NT5DC3: variants seen among roughly 807,000 people sequenced by gnomAD.
NT5DC3 encodes 5'-nucleotidase domain-containing protein 3.
In NT5DC3, 42 loss-of-function variants were observed where a neutral mutation model predicts 67.8. That is an observed-to-expected ratio of 0.62 (90% CI 0.48 to 0.80). NT5DC3 has a LOEUF of 0.80. NT5DC3 is among the 30% of genes least tolerant of loss of function. The pLI, the probability that NT5DC3 is intolerant of heterozygous loss-of-function variation, is 0.00. For missense variants in NT5DC3, 570 were observed against 696.4 expected (o/e 0.82, Z 2.04); for synonymous variants, 237 against 255.6 (o/e 0.93, Z 0.69).
chr12:103,795,468 A>G (rs1886269607), intron 6 of NT5DC3, among the ~76,000 whole-genome samples: 1 of 152,234 alleles, frequency 6.6e-6, no homozygotes, highest in Admixed American at 6.5e-5. Flanking sequence ...ACAGATTTTT[A>G]AAGACAAAGT....
At chr12:103,825,091 G>A (rs1223511300) in intron 1 of NT5DC3, among the ~76,000 whole-genome samples, 1 of 152,152 alleles carries the variant, frequency 6.6e-6, no homozygotes, top group Non-Finnish European at 1.5e-5. Context: ...CCGGGAAGAG[G>A]CAATTCAAGA....
rs886514176 is a variant in NT5DC3, at chr12:103,777,615, T to C, written c.*214A>G. The C allele has an allele frequency of 1.8e-6, 1 of 570,922 alleles. No individual in the cohort carries two copies. Among genetic ancestry groups the C allele is most frequent in the East Asian group, 2.9e-5 (1 of 34,288 alleles). The allele number at this position is 570,922 out of a possible 1,614,324, so 35.4% of individuals were successfully genotyped here. A position where few individuals can be genotyped will look rare whatever the true frequency, so the allele number is the denominator to read the frequency against. ...CAAAATCAGAGTTCCAATGTGAAGCTTGCCTTTCAGCCCTGCATGGGGGGA... is the reference window on the plus strand; with the variant it reads ...CAAAATCAGAGTTCCAATGTGAAGCCTGCCTTTCAGCCCTGCATGGGGGGA... On this transcript the variant is annotated 3_prime_UTR_variant, in exon 14 of 14. Transcript: ENST00000392876.
chr12:103,758,769 G>C, the NT5DC3 span, among the ~76,000 whole-genome samples: 10 of 152,312 alleles, frequency 6.6e-5, no homozygotes, highest in African/African-American at 2.2e-4. Flanking sequence ...TTCATATCAC[G>C]GCACACAGAG....
the NT5DC3 span, among the ~76,000 whole-genome samples, chr12:103,759,492 G>T: frequency 2.0e-5 from 3 of 152,330 alleles, no homozygotes; most frequent in East Asian, 5.8e-4. Flanking sequence ...TGGTTATGGG[G>T]AAGGATAATG....
chr12:103,803,865 C>A (rs1374729645), intron 4 of NT5DC3, among the ~76,000 whole-genome samples: 3 of 126,764 alleles, frequency 2.4e-5, no homozygotes, highest in African/African-American at 2.7e-5. Context: ...TACCACCCCC[C>A]CCCCAAAAAA....
chr12:103,840,464 C>T (rs926335508), intron 1 of NT5DC3, among the ~76,000 whole-genome samples: 2 of 145,662 alleles, frequency 1.4e-5, no homozygotes, highest in African/African-American at 2.5e-5. Flanking sequence ...CCATCCCAAC[C>T]CACCCCCACC....
Position 103,793,268 on chromosome 12 carries a change from A to G in NT5DC3, c.918-3T>C. The stretch of plus-strand genomic sequence containing the variant: ...CGATATAACTCATCCCTTTGTCCCT[A>G]GGGCAACAAGTCAGCCAGGTTAGTC... On this transcript the variant is annotated splice_polypyrimidine_tract_variant and splice_region_variant and intron_variant, in intron 8 of 13. Transcript: ENST00000392876. 6.2e-7 allele frequency: 1 copy of G among 1,605,028 alleles called. No homozygotes were observed. The highest frequency in any genetic ancestry group is 8.5e-7 in the Non-Finnish European group (1 of 1,173,670).
chr12:103,780,429 A>AT, intron 12 of NT5DC3, 65 bp from the exon 13 acceptor site: 1 of 1,457,328 alleles, frequency 6.9e-7, no homozygotes, highest in Non-Finnish European at 9.6e-7. Flanking sequence ...CGTAATGAGA[A>AT]TTTTTTAATG....
the NT5DC3 span, among the ~76,000 whole-genome samples, chr12:103,757,542 C>T: frequency 1.3e-5 from 2 of 152,188 alleles, no homozygotes; most frequent in Non-Finnish European, 2.9e-5. Flanking sequence ...TTGGGGGGCA[C>T]CCCAGGGTCC....
rs1885363765 is a variant in NT5DC3, at chr12:103,777,017, G to C, written c.*812C>G. 6.6e-6 allele frequency: 1 copy of C among 152,158 alleles called. No homozygotes were observed. The highest frequency in any genetic ancestry group is 1.5e-5 in the Non-Finnish European group (1 of 68,044). The allele number at this position is 152,158 out of a possible 1,614,324, so 9.4% of individuals were successfully genotyped here. A position where few individuals can be genotyped will look rare whatever the true frequency, so the allele number is the denominator to read the frequency against. ...GAAACCAACTCAGGTGGTGTTTCCAGGTTTAACAAGCTCCTGGGAGACCTA... is the reference window on the plus strand; with the variant it reads ...GAAACCAACTCAGGTGGTGTTTCCACGTTTAACAAGCTCCTGGGAGACCTA... On this transcript the variant is annotated 3_prime_UTR_variant, in exon 14 of 14. Coordinates refer to ENST00000392876, the MANE Select transcript of NT5DC3 (RefSeq NM_001031701.3).
Position 103,777,732 on chromosome 12 carries a change from G to A in NT5DC3, c.*97C>T, listed in dbSNP as rs1426477273. 8 of 1,327,652 alleles carry A rather than the reference G, an allele frequency of 6.0e-6. No individual in the cohort carries two copies. The South Asian group carries it at 8.4e-5, about 14-fold the overall frequency. The allele number at this position is 1,327,652 out of a possible 1,614,324, so 82.2% of individuals were successfully genotyped here. A position where few individuals can be genotyped will look rare whatever the true frequency, so the allele number is the denominator to read the frequency against. On this transcript the variant is annotated 3_prime_UTR_variant, in exon 14 of 14. Coordinates refer to ENST00000392876, the MANE Select transcript of NT5DC3 (RefSeq NM_001031701.3). ...AAAATAAATATCAAAAGGCTTATCT[G>A]TATCTTTTCCAAAAGCAACACTCAG...
At chr12:103,748,130 T>C in the NT5DC3 span, among the ~76,000 whole-genome samples, 1 of 152,234 alleles carries the variant, frequency 6.6e-6, no homozygotes, top group East Asian at 1.9e-4. Context: ...ATACTTTCTT[T>C]ACACAAATTA....
chr12:103,818,655 C>T (rs542397000), intron 1 of NT5DC3, among the ~76,000 whole-genome samples: 117 of 152,268 alleles, frequency 7.7e-4, no homozygotes, highest in African/African-American at 2.7e-3. Context: ...GGGTTACCAG[C>T]GTGAGCCACT....
chr12:103,826,915 T>A (rs923955503), intron 1 of NT5DC3, among the ~76,000 whole-genome samples: 1 of 152,334 alleles, frequency 6.6e-6, no homozygotes, highest in Admixed American at 6.5e-5. Context: ...GTGATTTATG[T>A]TGACAGGTAA....
At chr12:103,766,183 GT>G (rs1170315092), downstream of NT5DC3, 1 of 1,461,194 alleles carries the variant, frequency 6.8e-7, no homozygotes. Context: ...CGTGTTCACA[GT>G]GCTCAGGGAG....
chr12:103,761,070 G>A, the NT5DC3 span, among the ~76,000 whole-genome samples: 7 of 152,154 alleles, frequency 4.6e-5, no homozygotes, highest in African/African-American at 1.7e-4. Context: ...CAAGTGGGTT[G>A]GACAAATGAC....
At chr12:103,764,577 C>T in the NT5DC3 span, among the ~76,000 whole-genome samples, 2 of 152,132 alleles carry the variant, frequency 1.3e-5, no homozygotes, top group African/African-American at 4.8e-5. Flanking sequence ...AGGAATAGAA[C>T]TTAATTTTTC....
intron 2 of NT5DC3, among the ~76,000 whole-genome samples, chr12:103,809,167 C>T (rs1405664456): frequency 6.6e-6 from 1 of 152,260 alleles, no homozygotes; most frequent in Non-Finnish European, 1.5e-5. Context: ...CCTGTGACAG[C>T]AGCACCTGCC....
At chr12:103,748,518 T>C in the NT5DC3 span, among the ~76,000 whole-genome samples, 1 of 151,952 alleles carries the variant, frequency 6.6e-6, no homozygotes, top group Non-Finnish European at 1.5e-5. Flanking sequence ...TCTCAGTTTG[T>C]TCATCTACAG....
Sources: gnomAD v4.1 joint callset for allele counts (sites outside exome capture counted in the v4.1 genomes callset) on GRCh38, gnomAD v4.1.1 for gene constraint, MANE v1.5 for transcripts, NCBI Gene and HGNC (gene_info 2026-07-23, HGNC 2026-07-21) for gene names.